Variants in AKT3 observed in about 807,000 individuals in gnomAD.
The protein encoded by AKT3 is AKT serine/threonine kinase 3.
AKT3 carries 15 observed loss-of-function variants against 65.3 expected under a neutral mutation model. That is an observed-to-expected ratio of 0.23 (90% CI 0.15 to 0.35). AKT3 has a LOEUF of 0.35. Ranked by LOEUF, AKT3 falls within the 10% of genes least tolerant of loss-of-function variation. The pLI, the probability that AKT3 is intolerant of heterozygous loss-of-function variation, is 1.00. For missense variants in AKT3, 243 were observed against 576.5 expected (o/e 0.42, Z 5.92); for synonymous variants, 206 against 183.8 (o/e 1.12, Z -0.98).
chr1:243,645,700 T>C (rs555270417), intron 5 of AKT3, among the ~76,000 whole-genome samples, 193 bp downstream of exon 5: 38 of 152,352 alleles, frequency 2.5e-4, no homozygotes, highest in African/African-American at 9.1e-4. Context: ...GCTAAAGTGC[T>C]GGATCACTGA....
intron 6 of AKT3, among the ~76,000 whole-genome samples, chr1:243,632,729 T>C (rs1397968143): frequency 1.3e-5 from 2 of 152,226 alleles, no homozygotes; most frequent in East Asian, 3.8e-4. Context: ...ATTATTTAGC[T>C]AGATATCTGG....
At chr1:243,585,563 TAGAG>T (rs771124282) in intron 8 of AKT3, among the ~76,000 whole-genome samples, 2 of 151,950 alleles carry the variant, frequency 1.3e-5, no homozygotes, top group African/African-American at 4.8e-5. Flanking sequence ...TGGAACATAA[TAGAG>T]AGCCCAGAAA....
intron 2 of AKT3, among the ~76,000 whole-genome samples, chr1:243,755,225 C>G (rs888159895): frequency 2.7e-5 from 4 of 146,342 alleles, no homozygotes; most frequent in African/African-American, 1.1e-4. Flanking sequence ...GGCGACACCA[C>G]GCCTGGTTAA....
At chr1:243,823,502 A>T (rs1342068815) in intron 2 of AKT3, among the ~76,000 whole-genome samples, 1 of 152,188 alleles carries the variant, frequency 6.6e-6, no homozygotes, top group Non-Finnish European at 1.5e-5. Flanking sequence ...AGATGACATG[A>T]CCCTATATCT....
chr1:243,826,077 A>G (rs1384852404), intron 2 of AKT3, among the ~76,000 whole-genome samples: 2 of 152,108 alleles, frequency 1.3e-5, no homozygotes. Flanking sequence ...GGTTACACTG[A>G]GCCAAGATGG....
rs936480690 is a variant in AKT3 at position 243,751,550 on chromosome 1, G to A, written c.47-55834C>T. 3.9e-5 allele frequency among the ~76,000 whole-genome samples: 6 copies of A among 152,118 alleles called. No homozygotes were observed. The East Asian group carries it at 1.2e-3, about 29-fold the overall frequency. On this transcript the variant is annotated intron_variant, in intron 2 of 13. Transcript: ENST00000673466. ...TATTTTTTCTCCTTAGTCTAGTGAA[G>A]AGAGAGTCAGACAGGATATTCTGCT...
intron 12 of AKT3, among the ~76,000 whole-genome samples, chr1:243,535,994 C>T (rs1011283928): frequency 1.3e-5 from 2 of 151,866 alleles, no homozygotes; most frequent in Non-Finnish European, 2.9e-5. Context: ...ACATTTTTTC[C>T]CATGTTTGTT....
chr1:243,814,014 T>C (rs191894252), intron 2 of AKT3, among the ~76,000 whole-genome samples: 43 of 152,250 alleles, frequency 2.8e-4, no homozygotes, highest in African/African-American at 7.2e-4. Flanking sequence ...TTCAGGAGGA[T>C]TGCTTGAGCC....
intron 3 of AKT3, among the ~76,000 whole-genome samples, chr1:243,680,559 A>G (rs1204132685): frequency 6.6e-6 from 1 of 152,136 alleles, no homozygotes; most frequent in East Asian, 1.9e-4. Context: ...CTTAGGCCTC[A>G]TTTAACTTTA....
Position 243,728,206 on chromosome 1 carries a change from T to C in AKT3, c.47-32490A>G, listed in dbSNP as rs145544485. Among the ~76,000 whole-genome samples, 504 of 152,290 alleles carry C rather than the reference T, an allele frequency of 3.3e-3. 4 individuals carry two copies. The highest frequency in any genetic ancestry group is 0.012 in the African/African-American group (499 of 41,558). On this transcript the variant is annotated intron_variant, in intron 2 of 13. Transcript: ENST00000673466. ...TAGAAAGCCCCAACAGTATGTAAGA[T>C]TTTTTGAATCCCTTGCTGTTGCATA...
intron 11 of AKT3, 24 bp from the exon 12 acceptor site, chr1:243,545,621 A>C: frequency 6.6e-7 from 1 of 1,518,896 alleles, no homozygotes; most frequent in Non-Finnish European, 9.1e-7. Flanking sequence ...AATAAAATTA[A>C]GTAAGTATAA....
chr1:243,493,211 A>G (rs1667002150), intron 13 of AKT3, among the ~76,000 whole-genome samples: 1 of 104,200 alleles, frequency 9.6e-6, no homozygotes, highest in South Asian at 3.7e-4. Flanking sequence ...GGGGAGGCTG[A>G]AACCTTGGTG....
intron 12 of AKT3, among the ~76,000 whole-genome samples, chr1:243,515,279 A>G (rs1670278655): frequency 6.6e-6 from 1 of 152,126 alleles, no homozygotes; most frequent in South Asian, 2.1e-4. Flanking sequence ...GTGTAGACAT[A>G]TGATTTAATT....
intron 8 of AKT3, among the ~76,000 whole-genome samples, chr1:243,587,081 A>T (rs927374724): frequency 2.0e-5 from 3 of 152,200 alleles, no homozygotes; most frequent in Non-Finnish European, 4.4e-5. Context: ...ACAAATTATT[A>T]ATGTATATGA....
chr1:243,591,328 A>G (rs1676210564), intron 8 of AKT3, among the ~76,000 whole-genome samples: 1 of 152,250 alleles, frequency 6.6e-6, no homozygotes, highest in Admixed American at 6.5e-5. Context: ...TTAAAAAAAT[A>G]CTGCCTCAAT....
At chr1:243,596,657 C>T (rs2148564417) in intron 8 of AKT3, among the ~76,000 whole-genome samples, 1 of 152,292 alleles carries the variant, frequency 6.6e-6, no homozygotes, top group East Asian at 1.9e-4. Flanking sequence ...AATGACACAA[C>T]AGTTTTAAAT....
chr1:243,512,014 T>G (rs928478901), intron 13 of AKT3, among the ~76,000 whole-genome samples: 1 of 152,214 alleles, frequency 6.6e-6, no homozygotes, highest in Non-Finnish European at 1.5e-5. Flanking sequence ...TTCACAATCC[T>G]TTCAGTTGGT....
chr1:243,661,197 G>GA (rs1682294351), intron 4 of AKT3, among the ~76,000 whole-genome samples: 1 of 151,000 alleles, frequency 6.6e-6, no homozygotes, highest in Non-Finnish European at 1.5e-5. Flanking sequence ...CACAGAATTG[G>GA]AAAAAACTAC....
intron 2 of AKT3, among the ~76,000 whole-genome samples, chr1:243,720,801 G>C (rs971993421): frequency 6.6e-6 from 1 of 151,990 alleles, no homozygotes; most frequent in African/African-American, 2.4e-5. Context: ...ATTCCCAGAT[G>C]GTCCAACTAT....
Sources: gnomAD v4.1 joint callset for allele counts (sites outside exome capture counted in the v4.1 genomes callset) on GRCh38, gnomAD v4.1.1 for gene constraint, MANE v1.5 for transcripts, NCBI Gene and HGNC (gene_info 2026-07-23, HGNC 2026-07-21) for gene names.